SEMA3B: variants seen among roughly 807,000 people sequenced by gnomAD.
SEMA3B encodes semaphorin 3B.
SEMA3B carries 71 observed loss-of-function variants against 77.8 expected under a neutral mutation model. The ratio of observed to expected loss-of-function variants is 0.91; its 90% CI spans 0.75 to 1.11. SEMA3B has a LOEUF of 1.11. SEMA3B is among the 50% of genes most tolerant of loss of function. The pLI is 0.00. For missense variants in SEMA3B, 968 were observed against 1,056.8 expected, an observed-to-expected ratio of 0.92 and a Z score of 1.17; for synonymous variants, 470 against 452.9, an observed-to-expected ratio of 1.04 and a Z score of -0.48.
At chr3:50,269,121 A>AGCCTCCCGCCCTC, upstream of SEMA3B, 1 of 716,884 alleles carries the variant, frequency 1.4e-6, no homozygotes, top group Non-Finnish European at 2.4e-6. The surrounding 1 kb of genome is among the most constrained non-coding windows in gnomAD (Gnocchi z 4.0). Context: ...CTCCCCCCCT[A>AGCCTCCCGCCCTC]GCCTCCCGCC....
upstream of SEMA3B, among the ~76,000 whole-genome samples, chr3:50,264,086 T>C (rs1318121414): frequency 6.6e-6 from 1 of 152,074 alleles, no homozygotes; most frequent in East Asian, 1.9e-4. Flanking sequence ...GGCACATGCC[T>C]GTAGTCCCAG....
Position 50,274,296 on chromosome 3 carries a change from A to G in SEMA3B, c.1138-67A>G. The G allele has an allele frequency of 1.5e-6, 2 of 1,310,990 alleles. No individual in the cohort carries two copies. The highest frequency in any genetic ancestry group is 2.1e-6 in the Non-Finnish European group (2 of 958,202). The allele number at this position is 1,310,990 out of a possible 1,614,324, so 81.2% of individuals were successfully genotyped here. ...CCCTCCATGTTCCCAGAGGCTGGGCATGGAGGGCTGCCTATCAAGCCCCCA... is the reference window on the plus strand; with the variant it reads ...CCCTCCATGTTCCCAGAGGCTGGGCGTGGAGGGCTGCCTATCAAGCCCCCA... On this transcript the variant is annotated intron_variant, in intron 10 of 16. Transcript: ENST00000616701. This position sits in a 1 kb window ranked among gnomAD's most constrained non-coding sequence, Gnocchi z 4.7.
Position 50,270,355 on chromosome 3 carries a change from C to T in SEMA3B, c.267+71C>T, listed in dbSNP as rs1275527703. 2.5e-6 allele frequency: 4 copies of T among 1,609,394 alleles called. No individual in the cohort carries two copies. Among genetic ancestry groups the T allele is most frequent in the Non-Finnish European group, 1.7e-6 (2 of 1,176,504 alleles). On this transcript the variant is annotated intron_variant, in intron 2 of 16. Coordinates refer to ENST00000616701, the MANE Select transcript of SEMA3B (RefSeq NM_001290060.2). This position sits in a 1 kb window ranked among gnomAD's most constrained non-coding sequence, Gnocchi z 4.7. ...GGGACCCCACTCCAGCCTGGAGAGA[C>T]CCAGAGGAATGGCTCCCTGAGGTAG...
At chr3:50,271,520 C>T (rs1701054348) in intron 6 of SEMA3B, 40 bp downstream of exon 6, 1 of 1,551,178 alleles carries the variant, frequency 6.4e-7, no homozygotes, top group Non-Finnish European at 8.7e-7. Context: ...GGTCGTCACC[C>T]TCCCACAGGG....
In SEMA3B at chr3:50,269,362, G is replaced by C; in HGVS notation, c.109+13G>C. On this transcript the variant is annotated intron_variant, in intron 1 of 16. Transcript: ENST00000616701. The surrounding 1 kb of genome is among the most constrained non-coding windows in gnomAD (Gnocchi z 4.0). ...CTCTCCTTCCAAGGTAGGTGCACCT[G>C]GCAGGCGGGAGGGCCCAGCTTGAGG... 1 of 1,441,530 alleles carries C rather than the reference G, an allele frequency of 6.9e-7. No individual in the cohort carries two copies. The highest frequency in any genetic ancestry group is 1.3e-5 in the South Asian group (1 of 74,796). 89.3% of individuals were successfully genotyped at this position (1,441,530 alleles called of 1,614,324 possible). A position where few individuals can be genotyped will look rare whatever the true frequency, so the allele number is the denominator to read the frequency against.
Position 50,270,862 on chromosome 3 carries a change from G to A in SEMA3B, c.331-28G>A. On this transcript the variant is annotated intron_variant, in intron 3 of 16. Coordinates refer to ENST00000616701, the MANE Select transcript of SEMA3B (RefSeq NM_001290060.2). This position sits in a 1 kb window ranked among gnomAD's most constrained non-coding sequence, Gnocchi z 4.7. ...GACCTCTTAAGGCTACGTCCCTGGG[G>A]GAAGCCTCACACCTCCAACCCTACT... 6.4e-7 allele frequency: 1 copy of A among 1,574,026 alleles called. No homozygotes were observed. The highest frequency in any genetic ancestry group is 1.2e-5 in the South Asian group (1 of 85,884).
rs1701112675 is a variant in SEMA3B at position 50,273,390 on chromosome 3, G to A, written c.757G>A (p.Ala253Thr). ...CTTCTTTCGTGAGACGGCGGTAGAG[G>A]CGGCGCCGGCACTGGGACGCCTGTC... ...YFFFRETAVE[A>T]APALGRLSVS... is the part of the protein sequence containing the mutation. The change falls in exon 7 of 17, where the codon GCG (alanine) becomes ACG (threonine). Residue 253 changes from alanine (A) to threonine (T), a missense_variant. By Grantham distance (58) the Ala-to-Thr change is moderately conservative. Coordinates refer to ENST00000616701, the MANE Select transcript of SEMA3B (RefSeq NM_001290060.2). This position sits in a 1 kb window ranked among gnomAD's most constrained non-coding sequence, Gnocchi z 6.5. 1 of 1,613,904 alleles carries A rather than the reference G, an allele frequency of 6.2e-7. No individual in the cohort carries two copies. Among genetic ancestry groups the A allele is most frequent in the East Asian group, 2.2e-5 (1 of 44,878 alleles).
In SEMA3B at chr3:50,274,563, C is replaced by G. The variant is rs782477270; in HGVS notation, c.1338C>G (p.Asp446Glu). ...DRVAAADGHY[D>E]VLFIGTDVGT... is the part of the protein sequence containing the mutation. ...TTGCAGCCGCTGACGGACACTATGA[C>G]GTCCTCTTCATTGGCACAGGTCAGG... Residue 446 changes from aspartate to glutamate, a missense_variant, in exon 11 of 17, where the codon GAC (aspartate) becomes GAG (glutamate). Transcript: ENST00000616701. The surrounding 1 kb of genome is among the most constrained non-coding windows in gnomAD (Gnocchi z 4.7). 6.5e-7 allele frequency: 1 copy of G among 1,543,780 alleles called. No homozygotes were observed. The highest frequency in any genetic ancestry group is 2.0e-5 in the Admixed American group (1 of 49,724).
chr3:50,268,432 T>C (rs1376204972), upstream of SEMA3B, among the ~76,000 whole-genome samples: 3 of 152,230 alleles, frequency 2.0e-5, no homozygotes, highest in African/African-American at 7.2e-5. Context: ...AACACATCTG[T>C]GTGCAAAATA....
Position 50,276,595 on chromosome 3 carries a change from G to A in SEMA3B, c.2139G>A (p.Gln713=), listed in dbSNP as rs1701260692. ...SANSLRMCRP[Q]PALQSLPLES... ...ACTCCCTGCGCATGTGCCGCCCGCA[G>A]CCTGCGCTGCAGTCACTGCCCCTGG... Residue 713 remains glutamine (Q), a synonymous_variant, in exon 17 of 17, where the codon CAG becomes CAA. Coordinates refer to ENST00000616701, the MANE Select transcript of SEMA3B (RefSeq NM_001290060.2). The surrounding 1 kb of genome is among the most constrained non-coding windows in gnomAD (Gnocchi z 5.8). 3 of 1,574,442 alleles carry A rather than the reference G, an allele frequency of 1.9e-6. No homozygotes were observed. Among genetic ancestry groups the A allele is most frequent in the Admixed American group, 1.8e-5 (1 of 55,428 alleles).
At position 50,269,285 on chromosome 3, in the gene SEMA3B, G is replaced by T; in HGVS notation, c.45G>T (p.Leu15=). ...GAAAVIPGLA[L]LWAVGLGSAA... Reference sequence around the variant, plus strand: ...CCGCCGTGATCCCGGGCCTGGCCCTGCTCTGGGCAGTGGGGCTGGGGAGTG... The same window carrying T: ...CCGCCGTGATCCCGGGCCTGGCCCTTCTCTGGGCAGTGGGGCTGGGGAGTG... The change falls in exon 1 of 17, where the codon CTG becomes CTT. Residue 15 remains leucine, a synonymous_variant. Coordinates refer to ENST00000616701, the MANE Select transcript of SEMA3B (RefSeq NM_001290060.2). This position sits in a 1 kb window ranked among gnomAD's most constrained non-coding sequence, Gnocchi z 4.0. 6.5e-7 allele frequency: 1 copy of T among 1,538,840 alleles called. No homozygotes were observed.
rs782339743 is a variant in SEMA3B at position 50,270,168 on chromosome 3, C to T, written c.151C>T (p.Arg51Ter). 5.2e-5 allele frequency: 82 copies of T among 1,578,928 alleles called. 3 individuals are homozygous for T. Among genetic ancestry groups the T allele is most frequent in the South Asian group, 4.6e-5 (4 of 86,370 alleles). The change falls in exon 2 of 17, where the codon CGA becomes TGA. Residue 51 changes from arginine to a stop codon, truncating the protein, a stop_gained. Transcript: ENST00000616701. LOFTEE classifies it high-confidence loss of function. This position sits in a 1 kb window ranked among gnomAD's most constrained non-coding sequence, Gnocchi z 4.7. ...WHGLQTFSLE[R>*]TCCYQALLVD... is the part of the protein sequence containing the mutation. ...TGGTCTCCAGACTTTCAGCCTGGAG[C>T]GAACCTGCTGCTACCAGGCCTTGCT... is the stretch of plus-strand genomic sequence containing the variant.
In SEMA3B at chr3:50,275,267, C is replaced by T. The variant is rs781797126; in HGVS notation, c.1492-35C>T. ...CCGATGGGAGGCAGGCGTGGGGTCG[C>T]CCTCGGTCAGCCCAGAGCCCCTCGT... On this transcript the variant is annotated intron_variant, in intron 13 of 16. Coordinates refer to ENST00000616701, the MANE Select transcript of SEMA3B (RefSeq NM_001290060.2). This position sits in a 1 kb window ranked among gnomAD's most constrained non-coding sequence, Gnocchi z 7.5. The T allele has an allele frequency of 6.7e-7, 1 of 1,491,694 alleles. No individual in the cohort carries two copies. The highest frequency in any genetic ancestry group is 1.4e-5 in the African/African-American group (1 of 71,722). 92.4% of individuals were successfully genotyped at this position (1,491,694 alleles called of 1,614,324 possible).
upstream of SEMA3B, among the ~76,000 whole-genome samples, chr3:50,265,756 GGCAGTGACCTT>G (rs1267231456): frequency 2.0e-5 from 3 of 152,336 alleles, no homozygotes; most frequent in South Asian, 4.1e-4. Flanking sequence ...GTGACCCACA[GGCAGTGACCTT>G]GCTCCTGGAG....
In SEMA3B at chr3:50,274,418, T is replaced by C. The variant is rs988335544; in HGVS notation, c.1193T>C (p.Val398Ala). The C allele has an allele frequency of 1.1e-5, 16 of 1,513,536 alleles. No homozygotes were observed. In the Admixed American group the frequency reaches 1.4e-4, roughly 13 times the overall value. The allele number at this position is 1,513,536 out of a possible 1,614,324, so 93.8% of individuals were successfully genotyped here. ...FSSTKDFPDD[V>A]IQFARNHPLM... ...TCCACCAAGGACTTCCCAGACGATG[T>C]CATCCAGTTTGCGCGGAACCACCCC... is the stretch of plus-strand genomic sequence containing the variant. Residue 398 changes from valine (V) to alanine (A), a missense_variant, in exon 11 of 17, where the codon GTC becomes GCC. Coordinates refer to ENST00000616701, the MANE Select transcript of SEMA3B (RefSeq NM_001290060.2). The surrounding 1 kb of genome is among the most constrained non-coding windows in gnomAD (Gnocchi z 4.7).
chr3:50,272,894 C>T (rs886084613), intron 6 of SEMA3B, among the ~76,000 whole-genome samples: 12 of 87,116 alleles, frequency 1.4e-4, no homozygotes, highest in Admixed American at 5.7e-4. Context: ...AGCAATGGGA[C>T]CCAGCAGAAG....
At position 50,269,990 on chromosome 3, in the gene SEMA3B, A is replaced by T. The variant is rs1701001033; in HGVS notation, c.110-137A>T. On this transcript the variant is annotated intron_variant, in intron 1 of 16. Transcript: ENST00000616701. The surrounding 1 kb of genome is among the most constrained non-coding windows in gnomAD (Gnocchi z 4.0). ...GGTGGGCTTGGGTTTGCGTGTGTAAACTCACACACATGTAAACTCACATGT... is the reference window on the plus strand; with the variant it reads ...GGTGGGCTTGGGTTTGCGTGTGTAATCTCACACACATGTAAACTCACATGT... 1.1e-6 allele frequency: 1 copy of T among 935,594 alleles called. No homozygotes were observed. The highest frequency in any genetic ancestry group is 1.5e-6 in the Non-Finnish European group (1 of 662,702). 58.0% of individuals were successfully genotyped at this position (935,594 alleles called of 1,614,324 possible).
chr3:50,269,326 C>A lies in SEMA3B; in HGVS notation c.86C>A (p.Pro29Gln), dbSNP rs936109726. ...CTGGGGAGTGCCGCCCCCAGCCCCCCACGCCTTCGGCTCTCCTTCCAAGGT... is the reference window on the plus strand; with the variant it reads ...CTGGGGAGTGCCGCCCCCAGCCCCCAACGCCTTCGGCTCTCCTTCCAAGGT... ...VGLGSAAPSP[P>Q]RLRLSFQELQ... is the part of the protein sequence containing the mutation. The change falls in exon 1 of 17, where the codon CCA (proline) becomes CAA (glutamine). Residue 29 changes from proline to glutamine, a missense_variant. Coordinates refer to ENST00000616701, the MANE Select transcript of SEMA3B (RefSeq NM_001290060.2). The surrounding 1 kb of genome is among the most constrained non-coding windows in gnomAD (Gnocchi z 4.0). The A allele has an allele frequency of 1.7e-5, 26 of 1,515,978 alleles. No homozygotes were observed. The highest frequency in any genetic ancestry group is 6.2e-5 in the South Asian group (5 of 80,938). 93.9% of individuals were successfully genotyped at this position (1,515,978 alleles called of 1,614,324 possible). A position where few individuals can be genotyped will look rare whatever the true frequency, so the allele number is the denominator to read the frequency against.
chr3:50,270,161 C>G lies in SEMA3B; in HGVS notation c.144C>G (p.Ser48Arg), dbSNP rs1553705091. Residue 48 changes from serine to arginine, a missense_variant, in exon 2 of 17, where the codon AGC (serine) becomes AGG (arginine). Transcript: ENST00000616701. The surrounding 1 kb of genome is among the most constrained non-coding windows in gnomAD (Gnocchi z 4.7). Reference sequence around the variant, plus strand: ...CCTGGCATGGTCTCCAGACTTTCAGCCTGGAGCGAACCTGCTGCTACCAGG... The same window carrying G: ...CCTGGCATGGTCTCCAGACTTTCAGGCTGGAGCGAACCTGCTGCTACCAGG... ...LQAWHGLQTF[S>R]LERTCCYQAL... The G allele has an allele frequency of 1.9e-6, 3 of 1,572,394 alleles. No homozygotes were observed. The East Asian group carries it at 7.1e-5, about 37-fold the overall frequency.
Sources: gnomAD v4.1 joint callset for allele counts (sites outside exome capture counted in the v4.1 genomes callset) on GRCh38, gnomAD v4.1.1 for gene constraint, Gnocchi (gnomAD v3.1) non-coding constraint, MANE v1.5 for transcripts, NCBI Gene and HGNC (gene_info 2026-07-23, HGNC 2026-07-21) for gene names.